The following ESPL1 variants were observed in gnomAD, a reference collection of about 807,000 sequenced individuals.
The protein encoded by ESPL1 is extra spindle pole bodies like 1, separase, also known as separin.
ESPL1 carries 50 observed loss-of-function variants against 217.2 expected under a neutral mutation model. The observed-to-expected ratio is 0.23, with a 90% CI of 0.18 to 0.29. The LOEUF (loss-of-function observed/expected upper bound fraction) is 0.29, where lower values mean the gene tolerates loss of function less well. Ranked by LOEUF, ESPL1 falls within the 10% of genes least tolerant of loss-of-function variation. The probability of loss-of-function intolerance (pLI) is 1.00; values close to 1 mark genes in which losing one functional copy is unlikely to be tolerated. For synonymous variants in ESPL1, 994 were observed against 1,081.3 expected (o/e 0.92, Z 1.58); for missense variants, 1,834 against 2,603.0 (o/e 0.70, Z 6.43).
rs541067615 is a variant in ESPL1, at chr12:53,282,563, T to C, written c.2791+128T>C. ...CAGCCTACCTAGAACCTGCACAGAG[T>C]AGGCCTGGGATAGCAGATGGGTTTC... On this transcript the variant is annotated intron_variant, in intron 14 of 30. Coordinates refer to ENST00000257934, the MANE Select transcript of ESPL1 (RefSeq NM_012291.5). This position sits in a 1 kb window ranked among gnomAD's most constrained non-coding sequence, Gnocchi z 4.0. 1 of 815,962 alleles carries C rather than the reference T, an allele frequency of 1.2e-6. No individual in the cohort carries two copies. Among genetic ancestry groups the C allele is most frequent in the African/African-American group, 1.7e-5 (1 of 58,668 alleles). 50.5% of individuals were successfully genotyped at this position (815,962 alleles called of 1,614,324 possible).
At chr12:53,285,888 C>G in intron 17 of ESPL1, 36 bp from the exon 18 acceptor site, 1 of 1,504,712 alleles carries the variant, frequency 6.6e-7, no homozygotes, top group Non-Finnish European at 8.9e-7. Flanking sequence ...TGCCATTTCT[C>G]CCCGTTTTGT....
At chr12:53,272,065 C>T (rs1046824964) in intron 5 of ESPL1, among the ~76,000 whole-genome samples, 5 of 142,198 alleles carry the variant, frequency 3.5e-5, no homozygotes, top group Non-Finnish European at 7.5e-5. Flanking sequence ...CCAGTCTGAG[C>T]GACAGAGCAA....
Position 53,281,602 on chromosome 12 carries a change from T to C in ESPL1, c.2595T>C (p.Ser865=). 2 of 1,613,858 alleles carry C rather than the reference T, an allele frequency of 1.2e-6. No individual in the cohort carries two copies. Among genetic ancestry groups the C allele is most frequent in the Non-Finnish European group, 1.7e-6 (2 of 1,179,782 alleles). The part of the protein sequence containing the change: ...LLSLTCDLLR[S]QLYWTHQKVT... ...CCCTGACCTGTGATCTGCTTCGAAG[T>C]CAACTCTACTGGACTCACCAGAAGG... The change falls in exon 13 of 31, where the codon AGT becomes AGC. Residue 865 remains serine (S), a synonymous_variant. Transcript: ENST00000257934.
In ESPL1 at chr12:53,288,715, C is replaced by G. The variant is rs748307903; in HGVS notation, c.4708+16C>G. 1.2e-6 allele frequency: 2 copies of G among 1,600,828 alleles called. No homozygotes were observed. Among genetic ancestry groups the G allele is most frequent in the East Asian group, 4.5e-5 (2 of 44,818 alleles). On this transcript the variant is annotated intron_variant, in intron 20 of 30. Coordinates refer to ENST00000257934, the MANE Select transcript of ESPL1 (RefSeq NM_012291.5). The stretch of plus-strand genomic sequence containing the variant: ...GTAGCCACTGGTGAATATGCGACCC[C>G]TGATGTTGGTCACTTGGAGAGGGCT...
chr12:53,269,331 A>T lies in ESPL1; in HGVS notation c.389A>T (p.Gln130Leu), dbSNP rs746214501. Reference sequence around the variant, plus strand: ...CAGCCCCTCCATGCCTGCTTGGTGCAGTGCTCTCGCGAGGCTGCTCCCCAG... The same window carrying T: ...CAGCCCCTCCATGCCTGCTTGGTGCTGTGCTCTCGCGAGGCTGCTCCCCAG... ...LAQPLHACLV[Q>L]CSREAAPQDY... The change falls in exon 3 of 31, where the codon CAG becomes CTG. Residue 130 changes from glutamine to leucine, a missense_variant. Physicochemically the swap from Gln to Leu is moderately radical, Grantham distance 113. Around this residue, in one of 5 missense-constraint regions of ESPL1, gnomAD observed 746 missense variants for 1,077.0 expected, o/e 0.69. Transcript: ENST00000257934. This position sits in a 1 kb window ranked among gnomAD's most constrained non-coding sequence, Gnocchi z 6.7. 6.2e-7 allele frequency: 1 copy of T among 1,614,142 alleles called. No homozygotes were observed.
chr12:53,281,754 G>C, intron 13 of ESPL1, 128 bp downstream of exon 13: 2 of 873,308 alleles, frequency 2.3e-6, no homozygotes, highest in Non-Finnish European at 3.6e-6. Flanking sequence ...TGAGAGGCAG[G>C]CATATTTCCT....
rs532923516 is a variant in ESPL1 at position 53,270,312 on chromosome 12, T to G, written c.1144-66T>G. The G allele has an allele frequency of 2.7e-5, 32 of 1,206,194 alleles. No individual in the cohort carries two copies. The East Asian group carries it at 7.4e-4, about 28-fold the overall frequency. 74.7% of individuals were successfully genotyped at this position (1,206,194 alleles called of 1,614,324 possible). On this transcript the variant is annotated intron_variant, in intron 3 of 30. Transcript: ENST00000257934. ...TCTGTCAGCTCTCCAGGACTCCGGG[T>G]CAGTCTTCAGCTTGGAGCCCTCTTT...
In ESPL1 at chr12:53,291,707, C is replaced by T. The variant is rs754336116; in HGVS notation, c.5538C>T (p.Ala1846=). 2.0e-5 allele frequency: 33 copies of T among 1,613,868 alleles called. No individual in the cohort carries two copies. Among genetic ancestry groups the T allele is most frequent in the Middle Eastern group, 3.3e-4 (2 of 6,058 alleles). Residue 1846 remains alanine, a synonymous_variant, in exon 26 of 31, where the codon GCC becomes GCT. Transcript: ENST00000257934. ...RTLLKIMLSG[A]GALTPQDIQA... is the part of the protein sequence containing the mutation. Reference sequence around the variant, plus strand: ...CCCTGCAGATCATGCTCAGTGGTGCCGGTGCCCTCACCCCTCAGGACATTC... The same window carrying T: ...CCCTGCAGATCATGCTCAGTGGTGCTGGTGCCCTCACCCCTCAGGACATTC...
At chr12:53,268,521 C>G in intron 1 of ESPL1, 144 bp downstream of exon 1, 1 of 510,670 alleles carries the variant, frequency 2.0e-6, no homozygotes, top group South Asian at 2.2e-5. Context: ...AGGGCTGGGC[C>G]GAGGCCTCTG....
intron 11 of ESPL1, among the ~76,000 whole-genome samples, 170 bp downstream of exon 11, chr12:53,278,130 G>C (rs1268031968): frequency 6.6e-6 from 1 of 152,200 alleles, no homozygotes; most frequent in Non-Finnish European, 1.5e-5. Flanking sequence ...TCATTCATTA[G>C]TGTATGGCCT....
At chr12:53,276,899 C>G (rs1023514288) in intron 8 of ESPL1, 40 bp downstream of exon 8, 4 of 1,600,822 alleles carry the variant, frequency 2.5e-6, no homozygotes, top group Non-Finnish European at 3.4e-6. Context: ...TTGCTCCTTG[C>G]CCTAGGTCCT....
At chr12:53,276,483 A>C in intron 7 of ESPL1, 137 bp from the exon 8 acceptor site, 1 of 965,714 alleles carries the variant, frequency 1.0e-6, no homozygotes, top group Non-Finnish European at 1.5e-6. Context: ...GAGCAATGCA[A>C]TCTGATTTAA....
At position 53,283,378 on chromosome 12, in the gene ESPL1, AC is replaced by A; in HGVS notation, c.2921-3del. ...TGATGGTGGTCTTGTCTCTTTTGCTACAGGTGAAAATCTGGTACAAAAATGG... is the reference window on the plus strand; with the variant it reads ...TGATGGTGGTCTTGTCTCTTTTGCTAAGGTGAAAATCTGGTACAAAAATGG... On this transcript the variant is annotated splice_polypyrimidine_tract_variant and splice_region_variant and intron_variant, in intron 15 of 30. Coordinates refer to ENST00000257934, the MANE Select transcript of ESPL1 (RefSeq NM_012291.5). 5 of 1,613,980 alleles carry A rather than the reference AC, an allele frequency of 3.1e-6. No individual in the cohort carries two copies. Among genetic ancestry groups the A allele is most frequent in the Non-Finnish European group, 3.4e-6 (4 of 1,179,928 alleles).
intron 19 of ESPL1, 38 bp from the exon 20 acceptor site, chr12:53,288,500 G>C: frequency 6.3e-7 from 1 of 1,583,306 alleles, no homozygotes. Flanking sequence ...AATGGCAGGG[G>C]GAGGGAGCAC....
chr12:53,291,228 G>A (rs1944052931), intron 25 of ESPL1, among the ~76,000 whole-genome samples: 1 of 152,056 alleles, frequency 6.6e-6, no homozygotes, highest in Non-Finnish European at 1.5e-5. Flanking sequence ...CTTGAACCTG[G>A]GAGGCGGAGG....
chr12:53,270,372 C>T lies in ESPL1; in HGVS notation c.1144-6C>T, dbSNP rs779239050. The T allele has an allele frequency of 1.2e-6, 2 of 1,600,184 alleles. No individual in the cohort carries two copies. The highest frequency in any genetic ancestry group is 2.2e-5 in the East Asian group (1 of 44,810). On this transcript the variant is annotated splice_region_variant and splice_polypyrimidine_tract_variant and intron_variant, in intron 3 of 30. Coordinates refer to ENST00000257934, the MANE Select transcript of ESPL1 (RefSeq NM_012291.5). ...CCTCATACCAACCTTCCGCTTCCTT[C>T]CTCAGGTGTATGGGGGCTCCTCCAA... is the stretch of plus-strand genomic sequence containing the variant.
At chr12:53,274,796 C>A in intron 6 of ESPL1, 21 bp from the exon 7 acceptor site, 1 of 1,608,562 alleles carries the variant, frequency 6.2e-7, no homozygotes, top group South Asian at 1.1e-5. Context: ...CCAGTTTGGT[C>A]TGTTCCCTTT....
intron 23 of ESPL1, 27 bp downstream of exon 23, chr12:53,290,239 G>T (rs748468077): frequency 6.2e-7 from 1 of 1,613,270 alleles, no homozygotes; most frequent in Non-Finnish European, 8.5e-7. Flanking sequence ...ATGGAGCAAA[G>T]TTGGGCTGGA....
chr12:53,279,100 A>G (rs1384588168), intron 11 of ESPL1, among the ~76,000 whole-genome samples: 1 of 152,182 alleles, frequency 6.6e-6, no homozygotes, highest in Non-Finnish European at 1.5e-5. Context: ...TATGTTGGCC[A>G]GGCTGATCTC....
Sources: allele counts gnomAD v4.1 joint callset (sites outside exome capture counted in the v4.1 genomes callset), GRCh38; gene constraint gnomAD v4.1.1; regional missense constraint gnomAD v4.1.1; non-coding constraint Gnocchi (gnomAD v3.1); transcripts MANE v1.5; gene names NCBI Gene and HGNC (gene_info 2026-07-23, HGNC 2026-07-21).